The following BBOX1 variants were observed in gnomAD, a reference collection of about 807,000 sequenced individuals.
BBOX1 encodes the protein gamma-butyrobetaine dioxygenase.
In BBOX1, 35 loss-of-function variants were observed where a neutral mutation model predicts 41.6. The ratio of observed to expected loss-of-function variants is 0.84; its 90% CI spans 0.64 to 1.11. BBOX1 has a LOEUF of 1.11. BBOX1 is among the 50% of genes most tolerant of loss of function. The pLI is 0.00. For missense variants in BBOX1, 458 were observed against 460.6 expected (o/e 0.99, Z 0.05); for synonymous variants, 163 against 154.7 (o/e 1.05, Z -0.40).
chr11:27,119,746 C>T lies in BBOX1; in HGVS notation c.737C>T (p.Pro246Leu). 4 of 1,603,278 alleles carry T rather than the reference C, an allele frequency of 2.5e-6. No individual in the cohort carries two copies. The highest frequency in any genetic ancestry group is 3.4e-6 in the Non-Finnish European group (4 of 1,176,106). Residue 246 changes from proline (P) to leucine (L), a missense_variant, in exon 7 of 9, where the codon CCT becomes CTT. By Grantham distance (98) the Pro-to-Leu change is moderately conservative. Transcript: ENST00000263182. Reference sequence around the variant, plus strand: ...TGCCAAAAACTAAAGAAAAATAATCCTCAGGCATTCCAGATTTTGTCCTCT... The same window carrying T: ...TGCCAAAAACTAAAGAAAAATAATCTTCAGGCATTCCAGATTTTGTCCTCT... ...NVCQKLKKNN[P>L]QAFQILSSTF...
intron 4 of BBOX1, among the ~76,000 whole-genome samples, chr11:27,079,477 A>G (rs1857757340): frequency 1.3e-5 from 2 of 152,250 alleles, no homozygotes; most frequent in South Asian, 2.1e-4. Flanking sequence ...AAAAATTCCA[A>G]ACTGAAAATT....
chr11:27,049,140 G>A (rs1481951230), intron 2 of BBOX1, among the ~76,000 whole-genome samples: 3 of 151,726 alleles, frequency 2.0e-5, no homozygotes, highest in Admixed American at 6.6e-5. Context: ...TTATTTGGGG[G>A]GGGGGAACTT....
At chr11:27,074,361 G>A (rs1857566708) in intron 4 of BBOX1, among the ~76,000 whole-genome samples, 1 of 152,040 alleles carries the variant, frequency 6.6e-6, no homozygotes, top group African/African-American at 2.4e-5. Flanking sequence ...TTGGAAACAA[G>A]CAGAAGTTGG....
At chr11:27,102,424 G>A (rs779577388) in intron 5 of BBOX1, among the ~76,000 whole-genome samples, 5 of 151,988 alleles carry the variant, frequency 3.3e-5, no homozygotes, top group African/African-American at 7.2e-5. Context: ...AAAATGGAAC[G>A]TTGCCAGCCA....
chr11:27,059,052 C>A (rs1304211079), intron 4 of BBOX1, among the ~76,000 whole-genome samples: 1 of 152,214 alleles, frequency 6.6e-6, no homozygotes, highest in Non-Finnish European at 1.5e-5. Context: ...ACCTGCACAG[C>A]AGCCTCTCCC....
intron 4 of BBOX1, among the ~76,000 whole-genome samples, chr11:27,080,139 A>C (rs1488058581): frequency 6.6e-6 from 1 of 152,158 alleles, no homozygotes. Context: ...CCCAGGCAGC[A>C]TTATTATTGT....
chr11:27,044,961 T>G (rs1590159339), intron 2 of BBOX1, among the ~76,000 whole-genome samples: 2 of 152,212 alleles, frequency 1.3e-5, no homozygotes, highest in East Asian at 3.8e-4. Flanking sequence ...TCCAATTCTG[T>G]GAAGAAAGTC....
At chr11:27,121,454 A>G (rs1198443634) in intron 7 of BBOX1, among the ~76,000 whole-genome samples, 1 of 152,178 alleles carries the variant, frequency 6.6e-6, no homozygotes, top group Non-Finnish European at 1.5e-5. Flanking sequence ...GACTGCTAGA[A>G]AGAGCAAGGA....
Position 27,127,567 on chromosome 11 carries a change from C to A in BBOX1, c.*114C>A. The A allele has an allele frequency of 8.4e-7, 1 of 1,194,100 alleles. No homozygotes were observed. Among genetic ancestry groups the A allele is most frequent in the Non-Finnish European group, 1.2e-6 (1 of 863,796 alleles). 74.0% of individuals were successfully genotyped at this position (1,194,100 alleles called of 1,614,324 possible). ...TACATATAATTTCCTTAACAATGAACATGTAACTTCTCTCACAAGAGTACT... is the reference window on the plus strand; with the variant it reads ...TACATATAATTTCCTTAACAATGAAAATGTAACTTCTCTCACAAGAGTACT... On this transcript the variant is annotated 3_prime_UTR_variant, in exon 9 of 9. Transcript: ENST00000263182.
intron 4 of BBOX1, among the ~76,000 whole-genome samples, chr11:27,087,103 A>G (rs1858070801): frequency 6.6e-6 from 1 of 152,134 alleles, no homozygotes; most frequent in South Asian, 2.1e-4. Flanking sequence ...TGATGTGGAC[A>G]TTGTTGAAAT....
rs1857017438 is a variant in BBOX1 at position 27,057,363 on chromosome 11, G to T, written c.334+48G>T. On this transcript the variant is annotated intron_variant, in intron 4 of 8. Transcript: ENST00000263182. ...TGTCTTTTTAAACCCTTACAGTAAA[G>T]GATTTTTATTAAGAAATTTGCTCAC... 3.5e-6 allele frequency: 5 copies of T among 1,421,688 alleles called. No homozygotes were observed. The South Asian group carries it at 6.2e-5, about 18-fold the overall frequency. The allele number at this position is 1,421,688 out of a possible 1,614,324, so 88.1% of individuals were successfully genotyped here. A position where few individuals can be genotyped will look rare whatever the true frequency, so the allele number is the denominator to read the frequency against.
At chr11:27,067,718 G>A (rs1369113707) in intron 4 of BBOX1, among the ~76,000 whole-genome samples, 1 of 151,826 alleles carries the variant, frequency 6.6e-6, no homozygotes, top group Admixed American at 6.6e-5. Context: ...CCGAGATCGC[G>A]CCACTGCACT....
At chr11:27,073,460 G>A (rs1857525634) in intron 4 of BBOX1, among the ~76,000 whole-genome samples, 1 of 149,546 alleles carries the variant, frequency 6.7e-6, no homozygotes, top group Admixed American at 6.6e-5. Context: ...TTACACTGTT[G>A]GTGGGACTGT....
At chr11:27,103,573 G>A (rs1011432905) in intron 5 of BBOX1, among the ~76,000 whole-genome samples, 5 of 151,512 alleles carry the variant, frequency 3.3e-5, no homozygotes, top group Admixed American at 3.3e-4. Context: ...TGTTTAAGGA[G>A]TTTTTAAATT....
chr11:27,063,212 G>T (rs957024776), intron 4 of BBOX1, among the ~76,000 whole-genome samples: 8 of 152,216 alleles, frequency 5.3e-5, no homozygotes, highest in African/African-American at 1.9e-4. Context: ...TTGAAGCTCA[G>T]CAGTACATGT....
At chr11:27,117,763 G>C (rs1246183307) in intron 6 of BBOX1, among the ~76,000 whole-genome samples, 1 of 151,908 alleles carries the variant, frequency 6.6e-6, no homozygotes, top group Non-Finnish European at 1.5e-5. Context: ...CTTTTTCATA[G>C]TCATAGCACA....
chr11:27,106,126 A>G (rs1454525122), intron 5 of BBOX1, among the ~76,000 whole-genome samples: 1 of 152,172 alleles, frequency 6.6e-6, no homozygotes, highest in Non-Finnish European at 1.5e-5. Flanking sequence ...GGTACCAGCC[A>G]CTGCAAAAAC....
At chr11:27,096,078 A>G (rs1858428653) in intron 5 of BBOX1, among the ~76,000 whole-genome samples, 1 of 151,970 alleles carries the variant, frequency 6.6e-6, no homozygotes, top group Non-Finnish European at 1.5e-5. Context: ...TGTGCAGCCA[A>G]GGTTGAGAAC....
rs566778882 is a variant in BBOX1 at position 27,049,139 on chromosome 11, G to C, written c.-38-6254G>C. On this transcript the variant is annotated intron_variant, in intron 2 of 8. Transcript: ENST00000263182. ...ATATGTGCCACATAAGTTATTTGGG[G>C]GGGGGGAACTTCTGTACTGTTTTCT... 1.0e-3 allele frequency among the ~76,000 whole-genome samples: 158 copies of C among 151,716 alleles called. No homozygotes were observed. The South Asian group carries it at 0.011, about 10-fold the overall frequency.
Sources: allele counts gnomAD v4.1 joint callset (sites outside exome capture counted in the v4.1 genomes callset), GRCh38; gene constraint gnomAD v4.1.1; transcripts MANE v1.5; gene names NCBI Gene and HGNC (gene_info 2026-07-23, HGNC 2026-07-21).